The following PLCB1 variants were observed in gnomAD, a reference collection of about 807,000 sequenced individuals.
The protein encoded by PLCB1 is 1-phosphatidylinositol 4,5-bisphosphate phosphodiesterase beta-1.
Under a neutral mutation model 161.8 loss-of-function variants are expected in PLCB1, and 46 were observed. The observed-to-expected ratio is 0.28, with a 90% CI of 0.22 to 0.36. PLCB1 has a LOEUF of 0.36. Ranked by LOEUF, PLCB1 falls within the 10% of genes least tolerant of loss-of-function variation. The pLI, the probability that PLCB1 is intolerant of heterozygous loss-of-function variation, is 1.00. For synonymous variants in PLCB1, 517 were observed against 503.7 expected, an observed-to-expected ratio of 1.03 and a Z score of -0.35; for missense variants, 1,016 against 1,472.5, an observed-to-expected ratio of 0.69 and a Z score of 5.07.
chr20:8,391,824 T>TATAC (rs1157204782), intron 3 of PLCB1, among the ~76,000 whole-genome samples: 257 of 115,288 alleles, frequency 2.2e-3, no homozygotes, highest in African/African-American at 6.1e-3. Context: ...TATATATATA[T>TATAC]ACACACACAT....
At chr20:8,652,849 C>T (rs1225314381) in intron 7 of PLCB1, 2 of 152,134 alleles carry the variant, frequency 1.3e-5, no homozygotes, top group East Asian at 3.9e-4. Context: ...ATCACAGTTG[C>T]TAGCCTGAAG....
intron 3 of PLCB1, among the ~76,000 whole-genome samples, chr20:8,372,416 T>C (rs1441676590): frequency 6.6e-6 from 1 of 152,236 alleles, no homozygotes; most frequent in Non-Finnish European, 1.5e-5. Context: ...GCCAGCATAT[T>C]CTATGACACA....
At chr20:8,577,454 A>G (rs1378403741) in intron 3 of PLCB1, among the ~76,000 whole-genome samples, 1 of 151,684 alleles carries the variant, frequency 6.6e-6, no homozygotes, top group Non-Finnish European at 1.5e-5. Flanking sequence ...AAAAAAAAAA[A>G]AAGAATCTTG....
intron 3 of PLCB1, among the ~76,000 whole-genome samples, chr20:8,549,032 C>T (rs974347715): frequency 2.0e-5 from 3 of 152,058 alleles, no homozygotes; most frequent in African/African-American, 7.2e-5. Context: ...GCACATAAAA[C>T]AAATACCTAA....
intron 3 of PLCB1, among the ~76,000 whole-genome samples, chr20:8,445,476 A>G (rs951467624): frequency 4.6e-5 from 7 of 151,972 alleles, no homozygotes; most frequent in African/African-American, 1.7e-4. Flanking sequence ...GAAGTCAGGT[A>G]GCATGATGCC....
chr20:8,304,610 C>G (rs1350455896), intron 2 of PLCB1, among the ~76,000 whole-genome samples: 1 of 150,950 alleles, frequency 6.6e-6, no homozygotes, highest in Non-Finnish European at 1.5e-5. Flanking sequence ...CATCTCTGAG[C>G]TTTTCCTATC....
chr20:8,650,392 A>G (rs1441582485), intron 7 of PLCB1, among the ~76,000 whole-genome samples: 1 of 152,128 alleles, frequency 6.6e-6, no homozygotes, highest in Non-Finnish European at 1.5e-5. Context: ...AAAAATTGCC[A>G]CTCCTATCAT....
chr20:8,357,977 C>T (rs532790484), intron 2 of PLCB1, among the ~76,000 whole-genome samples: 1 of 152,320 alleles, frequency 6.6e-6, no homozygotes, highest in South Asian at 2.1e-4. Context: ...CACTGAGCAC[C>T]TTCAGAGTGA....
At chr20:8,285,064 T>C (rs993525239) in intron 2 of PLCB1, among the ~76,000 whole-genome samples, 1 of 151,940 alleles carries the variant, frequency 6.6e-6, no homozygotes, top group African/African-American at 2.4e-5. Flanking sequence ...TTGTTTTGTT[T>C]CTGCATGTGT....
chr20:8,741,786 A>T (rs993094135), intron 23 of PLCB1, among the ~76,000 whole-genome samples: 1 of 152,246 alleles, frequency 6.6e-6, no homozygotes, highest in Non-Finnish European at 1.5e-5. Flanking sequence ...GGATACCACG[A>T]GCATCTTATC....
At chr20:8,629,873 CTT>C (rs1369516669) in intron 4 of PLCB1, among the ~76,000 whole-genome samples, 16 of 72,242 alleles carry the variant, frequency 2.2e-4, no homozygotes, top group Admixed American at 7.4e-4. Context: ...TTCTTTCTTT[CTT>C]TCTCTCTCTC....
At chr20:8,194,514 C>T (rs910945988) in intron 2 of PLCB1, among the ~76,000 whole-genome samples, 3 of 151,956 alleles carry the variant, frequency 2.0e-5, no homozygotes, top group Non-Finnish European at 2.9e-5. Context: ...CAATCATGGA[C>T]TTAAAGATGC....
At chr20:8,661,053 C>A (rs1989608211) in intron 9 of PLCB1, among the ~76,000 whole-genome samples, 1 of 152,034 alleles carries the variant, frequency 6.6e-6, no homozygotes, top group Non-Finnish European at 1.5e-5. Flanking sequence ...AGAATCTGGG[C>A]CTGTGTAATG....
At chr20:8,819,030 C>T (rs1371154744) in intron 31 of PLCB1, among the ~76,000 whole-genome samples, 1 of 151,888 alleles carries the variant, frequency 6.6e-6, no homozygotes, top group Non-Finnish European at 1.5e-5. Context: ...ATTTGACAAG[C>T]TGATTCCAAA....
At chr20:8,195,206 C>T (rs946449738) in intron 2 of PLCB1, among the ~76,000 whole-genome samples, 6 of 151,856 alleles carry the variant, frequency 4.0e-5, no homozygotes, top group African/African-American at 1.5e-4. Flanking sequence ...AAGGAAGAAA[C>T]CATGCAGAGG....
chr20:8,789,107 A>G (rs1037682159), intron 29 of PLCB1, among the ~76,000 whole-genome samples: 2 of 152,158 alleles, frequency 1.3e-5, no homozygotes, highest in African/African-American at 4.8e-5. Context: ...GAATGTTGCT[A>G]TGGCTCACAC....
chr20:8,354,932 A>G (rs1029014998), intron 2 of PLCB1, among the ~76,000 whole-genome samples: 28 of 152,280 alleles, frequency 1.8e-4, no homozygotes, highest in South Asian at 2.1e-4. Context: ...AGCTGATCCT[A>G]CATATATTAG....
intron 3 of PLCB1, among the ~76,000 whole-genome samples, chr20:8,541,267 T>G (rs1039723238): frequency 6.6e-6 from 1 of 152,194 alleles, no homozygotes; most frequent in Non-Finnish European, 1.5e-5. Flanking sequence ...TCTCCAAATA[T>G]TAAGGAAGGC....
chr20:8,827,869 T>C (rs1985784410), intron 31 of PLCB1, among the ~76,000 whole-genome samples: 1 of 152,246 alleles, frequency 6.6e-6, no homozygotes, highest in South Asian at 2.1e-4. Flanking sequence ...AGCACAGCCA[T>C]GTGCATTCTG....
Sources: gnomAD v4.1 joint callset for allele counts (sites outside exome capture counted in the v4.1 genomes callset) on GRCh38, gnomAD v4.1.1 for gene constraint, MANE v1.5 for transcripts, NCBI Gene and HGNC (gene_info 2026-07-23, HGNC 2026-07-21) for gene names.